Variants in MAST4 observed in about 807,000 individuals in gnomAD.
MAST4 encodes the protein microtubule-associated serine/threonine-protein kinase 4.
Under a neutral mutation model 162.7 loss-of-function variants are expected in MAST4, and 89 were observed. That is an observed-to-expected ratio of 0.55 (90% CI 0.46 to 0.65). MAST4 has a LOEUF of 0.65. Ranked by LOEUF, MAST4 falls within the 30% of genes least tolerant of loss-of-function variation. The pLI is 0.00. For missense variants in MAST4, 3,153 were observed against 3,374.0 expected, an observed-to-expected ratio of 0.93 and a Z score of 1.62; for synonymous variants, 1,479 against 1,361.1, an observed-to-expected ratio of 1.09 and a Z score of -1.91.
chr5:66,863,538 C>T (rs1199063053), intron 3 of MAST4, among the ~76,000 whole-genome samples: 2 of 152,134 alleles, frequency 1.3e-5, no homozygotes, highest in African/African-American at 4.8e-5. Context: ...CCACCCCTAC[C>T]TCTTTCCCTT....
At chr5:66,618,089 T>G (rs1188700897) in intron 1 of MAST4, among the ~76,000 whole-genome samples, 2 of 151,830 alleles carry the variant, frequency 1.3e-5, no homozygotes, top group African/African-American at 4.8e-5. Flanking sequence ...CAGGTGGTTC[T>G]GTGAGTAACC....
Position 67,166,859 on chromosome 5 carries a change from C to T in MAST4, c.7680C>T (p.Thr2560=). Reference sequence around the variant, plus strand: ...CGGTGACTGCCACCGTAGGGGAAACCAAAGGGAAGGACCCTGCCCCAGCCC... The same window carrying T: ...CGGTGACTGCCACCGTAGGGGAAACTAAAGGGAAGGACCCTGCCCCAGCCC... ...ALSVTATVGE[T]KGKDPAPAQP... is the part of the protein sequence containing the mutation. The change falls in exon 29 of 29, where the codon ACC becomes ACT. Residue 2560 remains threonine (T), a synonymous_variant. Transcript: ENST00000403625. The T allele has an allele frequency of 1.9e-6, 3 of 1,606,970 alleles. No homozygotes were observed. Among genetic ancestry groups the T allele is most frequent in the Non-Finnish European group, 2.5e-6 (3 of 1,177,074 alleles).
chr5:66,789,392 C>T (rs1755278551), intron 3 of MAST4, among the ~76,000 whole-genome samples: 1 of 152,218 alleles, frequency 6.6e-6, no homozygotes, highest in Non-Finnish European at 1.5e-5. Flanking sequence ...AATTTTCCCT[C>T]TCCAGTGTAG....
chr5:66,742,341 G>C (rs1399235687), intron 1 of MAST4, among the ~76,000 whole-genome samples: 1 of 152,140 alleles, frequency 6.6e-6, no homozygotes, highest in African/African-American at 2.4e-5. Context: ...TGGGGTTCTT[G>C]TGTATTGGTG....
chr5:66,597,042 A>T (rs1742225268), intron 1 of MAST4, 24 bp downstream of exon 1: 26 of 1,405,848 alleles, frequency 1.8e-5, no homozygotes, highest in Non-Finnish European at 2.4e-5. Flanking sequence ...CAGCTTGCCC[A>T]CTCTGGGTTC....
chr5:66,816,877 C>G (rs1158963444), intron 3 of MAST4, among the ~76,000 whole-genome samples: 1 of 152,136 alleles, frequency 6.6e-6, no homozygotes, highest in African/African-American at 2.4e-5. Context: ...ATTTAATTGG[C>G]CTGTTTGTGG....
chr5:66,763,993 C>CT (rs1340389887), intron 2 of MAST4, among the ~76,000 whole-genome samples: 1 of 152,090 alleles, frequency 6.6e-6, no homozygotes, highest in Non-Finnish European at 1.5e-5. Context: ...ATGCTATGGC[C>CT]TTTTTTGTAC....
intron 2 of MAST4, among the ~76,000 whole-genome samples, chr5:66,783,783 G>C (rs528721654): frequency 6.6e-6 from 1 of 152,232 alleles, no homozygotes. Context: ...ACAATATCCT[G>C]TGAGACGTAA....
intron 4 of MAST4, among the ~76,000 whole-genome samples, chr5:66,977,245 C>T (rs970097204): frequency 6.6e-6 from 1 of 152,102 alleles, no homozygotes; most frequent in Non-Finnish European, 1.5e-5. Flanking sequence ...GGATTACAGG[C>T]ATGCGCCACC....
intron 3 of MAST4, among the ~76,000 whole-genome samples, chr5:66,866,928 G>A (rs1257602785): frequency 6.6e-6 from 1 of 151,792 alleles, no homozygotes; most frequent in Non-Finnish European, 1.5e-5. Flanking sequence ...TTGTTTGTTT[G>A]TTTGTTTGTT....
chr5:67,155,466 G>A (rs115223683), intron 26 of MAST4, among the ~76,000 whole-genome samples: 275 of 152,306 alleles, frequency 1.8e-3, no homozygotes, highest in Non-Finnish European at 2.6e-3. Context: ...AGGTGGAGAC[G>A]ATACTTGGCC....
At chr5:66,652,124 CT>C (rs1175892462) in intron 1 of MAST4, among the ~76,000 whole-genome samples, 2 of 152,104 alleles carry the variant, frequency 1.3e-5, no homozygotes. Flanking sequence ...TTGTTGTATA[CT>C]GGGTAAAATT....
At position 66,596,669 on chromosome 5, in the gene MAST4, T is replaced by C; in HGVS notation, c.14T>C (p.Val5Ala). 1 of 1,463,540 alleles carries C rather than the reference T, an allele frequency of 6.8e-7. No homozygotes were observed. The allele number at this position is 1,463,540 out of a possible 1,614,324, so 90.7% of individuals were successfully genotyped here. A position where few individuals can be genotyped will look rare whatever the true frequency, so the allele number is the denominator to read the frequency against. MGEK[V>A]SEAPEPVPRG... ...CCAGACAGGGAAATGGGGGAGAAAGTTTCGGAGGCGCCAGAGCCGGTGCCC... is the reference window on the plus strand; with the variant it reads ...CCAGACAGGGAAATGGGGGAGAAAGCTTCGGAGGCGCCAGAGCCGGTGCCC... Residue 5 changes from valine to alanine, a missense_variant, in exon 1 of 29, where the codon GTT becomes GCT. Val to Ala is a moderately conservative substitution (Grantham distance 64). Coordinates refer to ENST00000403625, the MANE Select transcript of MAST4 (RefSeq NM_001164664.2).
At chr5:66,946,892 G>T (rs1016587313) in intron 4 of MAST4, among the ~76,000 whole-genome samples, 1 of 151,998 alleles carries the variant, frequency 6.6e-6, no homozygotes, top group Non-Finnish European at 1.5e-5. Context: ...TGTGCCTTTG[G>T]GACAAATGAC....
At chr5:66,861,375 A>C (rs1432745460) in intron 3 of MAST4, among the ~76,000 whole-genome samples, 1 of 152,248 alleles carries the variant, frequency 6.6e-6, no homozygotes, top group African/African-American at 2.4e-5. Context: ...TGAAGTGTTT[A>C]CTCATGCCAC....
rs1774143756 is a variant in MAST4, at chr5:67,167,093, A to G, written c.*42A>G. On this transcript the variant is annotated 3_prime_UTR_variant, in exon 29 of 29. Transcript: ENST00000403625. ...GCAGGACTGTGGAGACCCGTCCTGA[A>G]CGGGCGACTGTGTCTTGACTACCTT... The G allele has an allele frequency of 2.7e-6, 4 of 1,491,046 alleles. No homozygotes were observed. Among genetic ancestry groups the G allele is most frequent in the Non-Finnish European group, 2.7e-6 (3 of 1,114,662 alleles). The allele number at this position is 1,491,046 out of a possible 1,614,324, so 92.4% of individuals were successfully genotyped here. A position where few individuals can be genotyped will look rare whatever the true frequency, so the allele number is the denominator to read the frequency against.
At chr5:66,955,002 A>C (rs1745133850) in intron 4 of MAST4, among the ~76,000 whole-genome samples, 1 of 151,906 alleles carries the variant, frequency 6.6e-6, no homozygotes, top group South Asian at 2.1e-4. Context: ...GGAGTTTGAG[A>C]CCAGCCTGGG....
chr5:67,006,929 C>A (rs1752108003), intron 4 of MAST4, among the ~76,000 whole-genome samples: 1 of 152,158 alleles, frequency 6.6e-6, no homozygotes, highest in South Asian at 2.1e-4. Flanking sequence ...AGGGGATTTT[C>A]TTCTCCCCCT....
chr5:66,764,367 T>C (rs1753989856), intron 2 of MAST4, among the ~76,000 whole-genome samples: 1 of 152,186 alleles, frequency 6.6e-6, no homozygotes, highest in African/African-American at 2.4e-5. Flanking sequence ...TCTGCTAATT[T>C]TATATTGGCT....
Sources: gnomAD v4.1 joint callset for allele counts (sites outside exome capture counted in the v4.1 genomes callset) on GRCh38, gnomAD v4.1.1 for gene constraint, MANE v1.5 for transcripts, NCBI Gene and HGNC (gene_info 2026-07-23, HGNC 2026-07-21) for gene names.